MECOM: variants seen among roughly 807,000 people sequenced by gnomAD.
The protein encoded by MECOM is histone-lysine N-methyltransferase MECOM.
A neutral mutation model predicts 116.3 loss-of-function variants in MECOM; 13 were observed. The ratio of observed to expected loss-of-function variants is 0.11; its 90% confidence interval spans 0.07 to 0.18. The LOEUF (loss-of-function observed/expected upper bound fraction) is 0.18. MECOM is among the 10% of genes least tolerant of loss of function. The pLI is 1.00. For synonymous variants in MECOM, 528 were observed against 535.2 expected, an observed-to-expected ratio of 0.99 and a Z score of 0.19; for missense variants, 1,299 against 1,509.0, an observed-to-expected ratio of 0.86 and a Z score of 2.31.
chr3:169,360,319 C>CA, intron 2 of MECOM, among the ~76,000 whole-genome samples: 12,774 of 87,692 alleles, frequency 0.15, 1,138 homozygotes, highest in East Asian at 0.25. Flanking sequence ...AAAGTTACAC[C>CA]AAAAAAAAAA....
chr3:169,284,040 T>C (rs978515863), intron 2 of MECOM, among the ~76,000 whole-genome samples: 1 of 152,116 alleles, frequency 6.6e-6, no homozygotes, highest in Non-Finnish European at 1.5e-5. Flanking sequence ...TTGTAAAGAG[T>C]GTCCCATTCG....
rs118092987 is a variant in MECOM, at chr3:169,162,924, G to A, written c.376-19092C>T. Among the ~76,000 whole-genome samples the A allele has an allele frequency of 1.2e-4, 19 of 152,046 alleles. No individual in the cohort carries two copies. The East Asian group carries it at 2.9e-3, about 23-fold the overall frequency. Reference sequence around the variant, plus strand: ...CTAAAGGTTCATATCCAGGCATAACGTTTTGTAGGCAAACTAGAAATATTT... The same window carrying A: ...CTAAAGGTTCATATCCAGGCATAACATTTTGTAGGCAAACTAGAAATATTT... On this transcript the variant is annotated intron_variant, in intron 2 of 16. Transcript: ENST00000651503.
rs917837584 is a variant in MECOM at position 169,368,528 on chromosome 3, T to A, written c.375+12659A>T. ...TTATCATTATTGGAACAAATTCTCT[T>A]CATGTTGCTACCTTCATTTGATGAA... On this transcript the variant is annotated intron_variant, in intron 2 of 16. Coordinates refer to ENST00000651503, the MANE Select transcript of MECOM (RefSeq NM_004991.4). Among the ~76,000 whole-genome samples the A allele has an allele frequency of 5.3e-4, 80 of 152,152 alleles. 1 individual carries two copies. Among genetic ancestry groups the A allele is most frequent in the African/African-American group, 1.6e-3 (67 of 41,564 alleles).
At chr3:169,152,227 CT>C (rs1284708144) in intron 2 of MECOM, among the ~76,000 whole-genome samples, 4 of 151,908 alleles carry the variant, frequency 2.6e-5, no homozygotes, top group East Asian at 3.9e-4. Context: ...TGGACTCTGC[CT>C]TTTTTTATTT....
chr3:169,283,245 G>A (rs917843991), intron 2 of MECOM, among the ~76,000 whole-genome samples: 3 of 152,128 alleles, frequency 2.0e-5, no homozygotes, highest in South Asian at 2.1e-4. Context: ...GCTCATGCCT[G>A]TAATCCCAGC....
intron 1 of MECOM, among the ~76,000 whole-genome samples, chr3:169,451,208 A>G (rs1267460340): frequency 6.6e-6 from 1 of 151,996 alleles, no homozygotes; most frequent in African/African-American, 2.4e-5. Flanking sequence ...GACTGAAAAT[A>G]CTTCTCTCTG....
intron 2 of MECOM, among the ~76,000 whole-genome samples, chr3:169,331,608 T>A (rs1722730902): frequency 6.6e-6 from 1 of 152,172 alleles, no homozygotes; most frequent in Non-Finnish European, 1.5e-5. Context: ...ACTGGAAGAC[T>A]ATAGAAATCT....
At position 169,417,856 on chromosome 3, in the gene MECOM, A is replaced by G. The variant is rs1376754363; in HGVS notation, c.38-36332T>C. On this transcript the variant is annotated intron_variant, in intron 1 of 16. Coordinates refer to ENST00000651503, the MANE Select transcript of MECOM (RefSeq NM_004991.4). Reference sequence around the variant, plus strand: ...ATCATTCTCAGCAAACTATCGCAAGAACAAAAAACCAAACACCACGTATTC... The same window carrying G: ...ATCATTCTCAGCAAACTATCGCAAGGACAAAAAACCAAACACCACGTATTC... 3.3e-5 allele frequency among the ~76,000 whole-genome samples: 5 copies of G among 152,186 alleles called. No individual in the cohort carries two copies. In the South Asian group the frequency reaches 1.0e-3, roughly 32 times the overall value.
At chr3:169,416,665 A>G (rs1409709651) in intron 1 of MECOM, among the ~76,000 whole-genome samples, 1 of 152,128 alleles carries the variant, frequency 6.6e-6, no homozygotes, top group Non-Finnish European at 1.5e-5. Context: ...AGAGAGACAA[A>G]TCAAATAGGC....
At chr3:169,433,600 AGGAG>A (rs1436481916) in intron 1 of MECOM, among the ~76,000 whole-genome samples, 3 of 144,986 alleles carry the variant, frequency 2.1e-5, no homozygotes, top group African/African-American at 2.5e-5. Context: ...AAGGGAGGGA[AGGAG>A]GGAGGGAGGG....
chr3:169,236,159 A>C (rs1221974526), intron 2 of MECOM, among the ~76,000 whole-genome samples: 1 of 152,186 alleles, frequency 6.6e-6, no homozygotes, highest in Non-Finnish European at 1.5e-5. Flanking sequence ...CATTTAAGGT[A>C]GGTTAGGCTA....
At chr3:169,252,083 C>T (rs986053032) in intron 2 of MECOM, among the ~76,000 whole-genome samples, 2 of 152,078 alleles carry the variant, frequency 1.3e-5, no homozygotes, top group Non-Finnish European at 2.9e-5. Flanking sequence ...TGTAAAATTA[C>T]ACTATCATAA....
chr3:169,202,683 G>A (rs763682716), intron 2 of MECOM, among the ~76,000 whole-genome samples: 1 of 151,886 alleles, frequency 6.6e-6, no homozygotes, highest in Non-Finnish European at 1.5e-5. Context: ...CAGACACGGT[G>A]TAAGAGTACA....
At position 169,648,034 on chromosome 3, in the gene MECOM, C is replaced by T. The variant is rs114166906; in HGVS notation, c.37+15302G>A. Among the ~76,000 whole-genome samples the T allele has an allele frequency of 5.2e-3, 793 of 152,222 alleles. 6 individuals are homozygous for T. Among genetic ancestry groups the T allele is most frequent in the African/African-American group, 0.018 (761 of 41,536 alleles). ...GTCCCTATCTTCAAGGCAGGGAGGGCTCAAAACACCACAGAGAGCATTTTC... is the reference window on the plus strand; with the variant it reads ...GTCCCTATCTTCAAGGCAGGGAGGGTTCAAAACACCACAGAGAGCATTTTC... On this transcript the variant is annotated intron_variant, in intron 1 of 16. Transcript: ENST00000651503.
At chr3:169,159,363 G>A (rs1742484669) in intron 2 of MECOM, among the ~76,000 whole-genome samples, 1 of 152,080 alleles carries the variant, frequency 6.6e-6, no homozygotes. Context: ...TTTGAGACGA[G>A]CCTGACCAAC....
intron 1 of MECOM, among the ~76,000 whole-genome samples, chr3:169,385,028 C>T (rs977361360): frequency 2.1e-5 from 3 of 143,864 alleles, no homozygotes; most frequent in Non-Finnish European, 3.0e-5. Context: ...TGCTTGAGCC[C>T]GGGAGACAGA....
chr3:169,303,937 T>C (rs989977170), intron 2 of MECOM, among the ~76,000 whole-genome samples: 1 of 152,204 alleles, frequency 6.6e-6, no homozygotes, highest in African/African-American at 2.4e-5. Context: ...TCAGAGAGGG[T>C]CATGAGAACT....
intron 1 of MECOM, among the ~76,000 whole-genome samples, chr3:169,640,129 G>T (rs1261963554): frequency 6.6e-6 from 1 of 151,950 alleles, no homozygotes; most frequent in African/African-American, 2.4e-5. Context: ...GTGAATATTT[G>T]ATTTGAGCAA....
chr3:169,124,366 C>G (rs1389206708), intron 5 of MECOM, among the ~76,000 whole-genome samples: 1 of 151,862 alleles, frequency 6.6e-6, no homozygotes, highest in Non-Finnish European at 1.5e-5. Context: ...GAGAGACAGA[C>G]AGAGACAGAA....
Sources: allele counts gnomAD v4.1 joint callset (sites outside exome capture counted in the v4.1 genomes callset), GRCh38; gene constraint gnomAD v4.1.1; transcripts MANE v1.5; gene names NCBI Gene and HGNC (gene_info 2026-07-23, HGNC 2026-07-21).